C4orf51: variants seen among roughly 807,000 people sequenced by gnomAD.
C4orf51 encodes the protein uncharacterized protein C4orf51.
Under a neutral mutation model 25.2 loss-of-function variants are expected in C4orf51, and 25 were observed. The observed-to-expected ratio is 0.99, with a 90% CI of 0.72 to 1.39. C4orf51 has a LOEUF of 1.39. Among genes scored for constraint, C4orf51 ranks in the 40% most tolerant of loss-of-function variants. C4orf51 has a pLI of 0.00. For missense variants in C4orf51, 252 were observed against 239.6 expected, an observed-to-expected ratio of 1.05 and a Z score of -0.34; for synonymous variants, 100 against 84.5, an observed-to-expected ratio of 1.18 and a Z score of -1.01.
At chr4:145,787,444 AGAGT>A in the C4orf51 span, among the ~76,000 whole-genome samples, 1 of 148,806 alleles carries the variant, frequency 6.7e-6, no homozygotes, top group South Asian at 2.2e-4. Context: ...CCCGGGTGAC[AGAGT>A]GAGACTCCGT....
intron 5 of C4orf51, 49 bp from the exon 6 acceptor site, chr4:145,732,404 T>C: frequency 8.4e-7 from 1 of 1,186,980 alleles, no homozygotes. Context: ...TGTGGAAAAG[T>C]GACCTTTGCG....
At position 145,726,913 on chromosome 4, in the gene C4orf51, C is replaced by CTA. The variant is rs142441248; in HGVS notation, c.312_313dup (p.Phe105TyrfsTer5). The CTA allele has an allele frequency of 6.1e-4, 991 of 1,612,466 alleles. 10 individuals carry two copies. The African/African-American group carries it at 0.012, about 20-fold the overall frequency. On this transcript the variant is annotated frameshift_variant, in exon 3 of 6. Coordinates refer to ENST00000438731, the MANE Select transcript of C4orf51 (RefSeq NM_001080531.3). LOFTEE classifies it high-confidence loss of function. ...TTTCCCTCTTCATGTGCATGCAGGA[C>CTA]TATTCCCTGATATAACCAGGCCCTT...
downstream of C4orf51, among the ~76,000 whole-genome samples, chr4:145,734,081 G>A (rs1215543892): frequency 4.6e-5 from 7 of 152,218 alleles, no homozygotes; most frequent in Non-Finnish European, 7.3e-5. Context: ...CAGATAGGTT[G>A]CAACAGTAAC....
At position 145,763,146 on chromosome 4, in the gene C4orf51, T is replaced by G. The variant is rs1017945168; in HGVS notation, n.167-7842T>G. ...AGCTACGGCAAAAGAAAAATAATAG[T>G]ATAATCTTATTTGATCTGCATTATG... On this transcript the variant is annotated intron_variant and non_coding_transcript_variant, in intron 1 of 1. Transcript: ENST00000510096. The surrounding 1 kb of genome is among the most constrained non-coding windows in gnomAD (Gnocchi z 4.6). 3.9e-6 allele frequency: 6 copies of G among 1,535,826 alleles called. No individual in the cohort carries two copies. The Admixed American group carries it at 5.9e-5, about 15-fold the overall frequency.
intron 2 of C4orf51, among the ~76,000 whole-genome samples, chr4:145,703,073 C>T (rs1428892184): frequency 2.6e-5 from 4 of 151,678 alleles, no homozygotes; most frequent in Non-Finnish European, 5.9e-5. Flanking sequence ...CCTCTGAGCC[C>T]AAGCCAAGCC....
chr4:145,703,394 T>C (rs1730592066), intron 2 of C4orf51, among the ~76,000 whole-genome samples: 1 of 151,864 alleles, frequency 6.6e-6, no homozygotes, highest in African/African-American at 2.4e-5. Flanking sequence ...CACCCTTAAC[T>C]CCCTTCACTG....
chr4:145,739,921 A>G (rs1182919402), intron 1 of C4orf51, among the ~76,000 whole-genome samples: 1 of 152,118 alleles, frequency 6.6e-6, no homozygotes, highest in African/African-American at 2.4e-5. Context: ...GTATGTGGGG[A>G]TGCAGTGTGA....
At chr4:145,731,206 T>C (rs2126774018) in intron 5 of C4orf51, among the ~76,000 whole-genome samples, 1 of 152,286 alleles carries the variant, frequency 6.6e-6, no homozygotes, top group East Asian at 1.9e-4. Context: ...TATTGTTAAA[T>C]AAATAAATCC....
At chr4:145,768,858 CAAAAAAAAAAAAA>C (rs1174930111) in intron 1 of C4orf51, among the ~76,000 whole-genome samples, 11 of 4,530 alleles carry the variant, frequency 2.4e-3, no homozygotes, top group East Asian at 0.012. Flanking sequence ...GACTCCGTCT[CAAAAAAAAAAAAA>C]AAAAAAAAAA....
chr4:145,681,157 G>C (rs1728816844), intron 1 of C4orf51, among the ~76,000 whole-genome samples: 1 of 152,136 alleles, frequency 6.6e-6, no homozygotes, highest in Admixed American at 6.5e-5. Flanking sequence ...ATTTGAGAAA[G>C]TATAAGTGGG....
intron 5 of C4orf51, among the ~76,000 whole-genome samples, chr4:145,732,193 C>A (rs1476190782): frequency 1.3e-5 from 2 of 152,130 alleles, no homozygotes; most frequent in African/African-American, 4.8e-5. Flanking sequence ...AAGAATCTTA[C>A]CAGAGAAGCA....
chr4:145,779,347 C>A, the C4orf51 span: 1 of 1,610,278 alleles, frequency 6.2e-7, no homozygotes, highest in Admixed American at 1.7e-5. Context: ...GCATAGAGGG[C>A]TGACAGCCCA....
chr4:145,706,850 C>T (rs576856632), intron 2 of C4orf51, among the ~76,000 whole-genome samples: 2 of 134,064 alleles, frequency 1.5e-5, no homozygotes, highest in Non-Finnish European at 3.1e-5. Context: ...TCCCTCTTGT[C>T]GCCCAGGCTA....
chr4:145,747,103 G>C (rs2126803585), intron 1 of C4orf51, among the ~76,000 whole-genome samples: 1 of 152,094 alleles, frequency 6.6e-6, no homozygotes, highest in South Asian at 2.1e-4. Context: ...TTTTTTGGTG[G>C]AGTCTAGGTT....
intron 2 of C4orf51, among the ~76,000 whole-genome samples, chr4:145,723,824 A>C (rs1165870398): frequency 6.6e-6 from 1 of 152,214 alleles, no homozygotes; most frequent in East Asian, 1.9e-4. Context: ...CCAAGGTCAA[A>C]CTTTATCATG....
At position 145,692,355 on chromosome 4, in the gene C4orf51, A is replaced by G. The variant is rs1729635575; in HGVS notation, c.234-4204A>G. On this transcript the variant is annotated intron_variant, in intron 1 of 5. Coordinates refer to ENST00000438731, the MANE Select transcript of C4orf51 (RefSeq NM_001080531.3). ...TGTTTATATAAAATTCAAAAAAACC[A>G]GCCCAAACCAAACTATAGTGTTTAG... 3.3e-5 allele frequency among the ~76,000 whole-genome samples: 5 copies of G among 152,240 alleles called. No individual in the cohort carries two copies. The South Asian group carries it at 1.0e-3, about 32-fold the overall frequency.
the C4orf51 span, among the ~76,000 whole-genome samples, chr4:145,782,796 T>C: frequency 4.6e-5 from 7 of 152,236 alleles, no homozygotes; most frequent in Non-Finnish European, 1.0e-4. Context: ...CAAAGTAGAC[T>C]GCTTGACTTT....
At chr4:145,724,620 G>C (rs1405854082) in intron 2 of C4orf51, among the ~76,000 whole-genome samples, 2 of 152,200 alleles carry the variant, frequency 1.3e-5, no homozygotes, top group African/African-American at 4.8e-5. Context: ...CATGGCTCAT[G>C]CCTGTAATCC....
At chr4:145,729,040 C>A in intron 3 of C4orf51, 129 bp from the exon 4 acceptor site, 1 of 676,668 alleles carries the variant, frequency 1.5e-6, no homozygotes, top group Non-Finnish European at 2.6e-6. Flanking sequence ...ACAGTGGTGG[C>A]TTTTGACAGC....
Sources: allele counts gnomAD v4.1 joint callset (sites outside exome capture counted in the v4.1 genomes callset), GRCh38; gene constraint gnomAD v4.1.1; non-coding constraint Gnocchi (gnomAD v3.1); transcripts MANE v1.5; gene names NCBI Gene and HGNC (gene_info 2026-07-23, HGNC 2026-07-21).